TPRG1: variants seen among roughly 807,000 people sequenced by gnomAD.
The protein encoded by TPRG1 is tumor protein p63 regulated 1.
A neutral mutation model predicts 29.3 loss-of-function variants in TPRG1; 29 were observed. That is an observed-to-expected ratio of 0.99 (90% CI 0.74 to 1.35). TPRG1 has a LOEUF of 1.35. TPRG1 is among the 40% of genes most tolerant of loss of function. The pLI, the probability that TPRG1 is intolerant of heterozygous loss-of-function variation, is 0.00. For synonymous variants in TPRG1, 130 were observed against 116.8 expected (o/e 1.11, Z -0.73); for missense variants, 327 against 335.0 (o/e 0.98, Z 0.19).
At chr3:189,192,417 G>A (rs1032392778) in intron 1 of TPRG1, among the ~76,000 whole-genome samples, 1 of 152,108 alleles carries the variant, frequency 6.6e-6, no homozygotes, top group Non-Finnish European at 1.5e-5. Context: ...AATAAAACCT[G>A]GTCCCTAACA....
chr3:189,069,330 G>A (rs753059063), intron 4 of TPRG1, among the ~76,000 whole-genome samples: 1 of 152,146 alleles, frequency 6.6e-6, no homozygotes, highest in Non-Finnish European at 1.5e-5. Context: ...ACAGGTTAAT[G>A]GTTACCAGGG....
intron 4 of TPRG1, among the ~76,000 whole-genome samples, chr3:189,289,614 T>C (rs945534942): frequency 2.0e-5 from 3 of 152,214 alleles, no homozygotes; most frequent in African/African-American, 7.2e-5. Context: ...TAGTTTTTAC[T>C]CAGAAAATTG....
intron 1 of TPRG1, among the ~76,000 whole-genome samples, chr3:189,110,293 G>T (rs914246804): frequency 2.0e-5 from 3 of 152,142 alleles, no homozygotes; most frequent in African/African-American, 7.2e-5. Context: ...GTTATGTTAA[G>T]TGCATAACAG....
intron 4 of TPRG1, among the ~76,000 whole-genome samples, chr3:189,273,245 A>G (rs974847711): frequency 3.9e-5 from 6 of 152,178 alleles, no homozygotes; most frequent in African/African-American, 1.4e-4. Context: ...CAGAGCTAAC[A>G]TTTTTCTTTT....
intron 1 of TPRG1, chr3:189,120,179 T>C (rs1254141477): frequency 6.6e-6 from 1 of 152,224 alleles, no homozygotes; most frequent in African/African-American, 2.4e-5. Context: ...GGGGAGGCTG[T>C]GTTGTTTGCA....
At chr3:189,254,245 C>G (rs1257459425) in intron 4 of TPRG1, among the ~76,000 whole-genome samples, 1 of 152,182 alleles carries the variant, frequency 6.6e-6, no homozygotes, top group Non-Finnish European at 1.5e-5. Flanking sequence ...ATATGGCTAG[C>G]CATTTTTCCC....
At chr3:189,000,930 T>G (rs1711989095) in intron 2 of TPRG1, 1 of 152,028 alleles carries the variant, frequency 6.6e-6, no homozygotes, top group African/African-American at 2.4e-5. Flanking sequence ...TGTATTTTTG[T>G]GGAGATGGGG....
chr3:189,076,923 C>T (rs1407602997), intron 4 of TPRG1, among the ~76,000 whole-genome samples: 2 of 140,622 alleles, frequency 1.4e-5, no homozygotes, highest in African/African-American at 5.7e-5. Flanking sequence ...TATATGTGTA[C>T]ATATATATAT....
chr3:189,137,881 G>A (rs1379976972), intron 3 of TPRG1, among the ~76,000 whole-genome samples: 1 of 152,006 alleles, frequency 6.6e-6, no homozygotes, highest in Non-Finnish European at 1.5e-5. Flanking sequence ...TGAATCAAAT[G>A]GACAATTCCA....
At chr3:189,080,353 C>G (rs1717506139) in intron 4 of TPRG1, among the ~76,000 whole-genome samples, 1 of 152,182 alleles carries the variant, frequency 6.6e-6, no homozygotes, top group Non-Finnish European at 1.5e-5. Flanking sequence ...AGTTCAGAAG[C>G]TGGGACTATC....
intron 1 of TPRG1, among the ~76,000 whole-genome samples, chr3:189,178,571 A>C (rs868753637): frequency 6.6e-6 from 1 of 152,340 alleles, no homozygotes; most frequent in East Asian, 1.9e-4. Flanking sequence ...ATTGATGTAC[A>C]TAGGCAGAAC....
In TPRG1 at chr3:189,195,518, C is replaced by T. The variant is rs533365776; in HGVS notation, c.-9-11858C>T. On this transcript the variant is annotated intron_variant, in intron 1 of 5. Transcript: ENST00000345063. ...ATAAAGGAGAGCCATGACTACTCACCGCTAGAGCAAGACACACTCTAGCCA... is the reference window on the plus strand; with the variant it reads ...ATAAAGGAGAGCCATGACTACTCACTGCTAGAGCAAGACACACTCTAGCCA... 7.9e-5 allele frequency among the ~76,000 whole-genome samples: 12 copies of T among 152,238 alleles called. No homozygotes were observed. The South Asian group carries it at 1.7e-3, about 21-fold the overall frequency.
chr3:189,303,959 C>T (rs1392735620), intron 4 of TPRG1, among the ~76,000 whole-genome samples: 1 of 152,168 alleles, frequency 6.6e-6, no homozygotes, highest in Non-Finnish European at 1.5e-5. Context: ...ATTATTCACT[C>T]TCACTTGATC....
intron 1 of TPRG1, among the ~76,000 whole-genome samples, chr3:189,202,388 T>A (rs1393505568): frequency 1.3e-5 from 2 of 152,098 alleles, no homozygotes; most frequent in African/African-American, 4.8e-5. Context: ...GTAGAAAGAA[T>A]GTGGATTTGT....
At chr3:189,255,189 T>A (rs1461875108) in intron 4 of TPRG1, among the ~76,000 whole-genome samples, 1 of 152,226 alleles carries the variant, frequency 6.6e-6, no homozygotes, top group East Asian at 1.9e-4. Context: ...TATTTTGAGA[T>A]ATGTTCCATC....
At chr3:189,211,817 T>G (rs1283151558) in intron 2 of TPRG1, 1 of 152,192 alleles carries the variant, frequency 6.6e-6, no homozygotes, top group Non-Finnish European at 1.5e-5. Flanking sequence ...CCACTGCCTC[T>G]GACCTTGGAA....
At chr3:189,131,447 A>G (rs1313630388) in intron 2 of TPRG1, among the ~76,000 whole-genome samples, 1 of 152,226 alleles carries the variant, frequency 6.6e-6, no homozygotes, top group Non-Finnish European at 1.5e-5. Flanking sequence ...ATTTGAGAAT[A>G]TAAAATCTCC....
At chr3:189,258,946 G>A (rs1004745199) in intron 4 of TPRG1, among the ~76,000 whole-genome samples, 13 of 152,168 alleles carry the variant, frequency 8.5e-5, no homozygotes, top group South Asian at 6.2e-4. Context: ...GGCTCCATGC[G>A]GGTGGGATCC....
intron 3 of TPRG1, among the ~76,000 whole-genome samples, chr3:189,139,817 CG>C (rs1180921771): frequency 6.6e-6 from 1 of 151,982 alleles, no homozygotes; most frequent in Non-Finnish European, 1.5e-5. Context: ...GGAAATGTAC[CG>C]GCTGGTCTGC....
Sources: gnomAD v4.1 joint callset for allele counts (sites outside exome capture counted in the v4.1 genomes callset) on GRCh38, gnomAD v4.1.1 for gene constraint, MANE v1.5 for transcripts, NCBI Gene and HGNC (gene_info 2026-07-23, HGNC 2026-07-21) for gene names.